Variants in CUX1 observed in about 807,000 individuals in gnomAD.
CUX1 encodes protein CASP.
A neutral mutation model predicts 158.8 loss-of-function variants in CUX1; 31 were observed. The observed-to-expected ratio is 0.20, with a 90% CI of 0.15 to 0.26. The LOEUF (loss-of-function observed/expected upper bound fraction) is 0.26, where lower values mean the gene tolerates loss of function less well. CUX1 is among the 10% of genes least tolerant of loss of function. The pLI is 1.00. For synonymous variants in CUX1, 879 were observed against 862.1 expected, an observed-to-expected ratio of 1.02 and a Z score of -0.34; for missense variants, 1,589 against 2,014.6, an observed-to-expected ratio of 0.79 and a Z score of 4.04.
At chr7:101,937,758 C>T (rs906409591) in intron 2 of CUX1, among the ~76,000 whole-genome samples, 1 of 152,162 alleles carries the variant, frequency 6.6e-6, no homozygotes, top group Non-Finnish European at 1.5e-5. Context: ...AGTGATCCAC[C>T]CGCCTTGGCC....
intron 3 of CUX1, among the ~76,000 whole-genome samples, chr7:102,035,134 C>G (rs1481372240): frequency 6.7e-6 from 1 of 149,736 alleles, no homozygotes. Flanking sequence ...CCTACTATTG[C>G]TACTTTAATT....
rs377089547 is a variant in CUX1 at position 102,177,811 on chromosome 7, A to G, written c.829-658A>G. Among the ~76,000 whole-genome samples the G allele has an allele frequency of 3.9e-5, 6 of 152,260 alleles. No individual in the cohort carries two copies. In the South Asian group the frequency reaches 1.2e-3, roughly 32 times the overall value. On this transcript the variant is annotated intron_variant, in intron 10 of 23. Transcript: ENST00000292535. ...TCACCCCGCACACTTTTCATTACTAATAAGTGTATTTTCTGCATCTCACTC... is the reference window on the plus strand; with the variant it reads ...TCACCCCGCACACTTTTCATTACTAGTAAGTGTATTTTCTGCATCTCACTC...
intron 4 of CUX1, among the ~76,000 whole-genome samples, chr7:102,080,652 C>T (rs1338238789): frequency 6.6e-6 from 1 of 152,162 alleles, no homozygotes; most frequent in African/African-American, 2.4e-5. Context: ...CACCAGCAGT[C>T]TCCTCGCCAC....
At chr7:102,028,262 C>A in intron 3 of CUX1, 117 bp downstream of exon 3, 2 of 1,020,622 alleles carry the variant, frequency 2.0e-6, no homozygotes, top group South Asian at 1.5e-5. Context: ...GCCTTCCCGG[C>A]TGCTCCGACC....
chr7:102,133,940 G>A (rs1194467188), intron 8 of CUX1, among the ~76,000 whole-genome samples: 7 of 152,176 alleles, frequency 4.6e-5, no homozygotes, highest in East Asian at 1.9e-4. Flanking sequence ...GGTCACAAAC[G>A]CTGTTTGGAT....
In CUX1 at chr7:102,253,107, T is replaced by G. The variant is rs980191988; in HGVS notation, c.*4065T>G. On this transcript the variant is annotated 3_prime_UTR_variant, in exon 24 of 24. Transcript: ENST00000292535. ...CTCCAAAGTACAAATACCTCCCTGCTCAGTTTCCTTCCTGTCGCCATCTTT... is the reference window on the plus strand; with the variant it reads ...CTCCAAAGTACAAATACCTCCCTGCGCAGTTTCCTTCCTGTCGCCATCTTT... 2.0e-6 allele frequency: 2 copies of G among 985,388 alleles called. No homozygotes were observed. The highest frequency in any genetic ancestry group is 1.2e-4 in the Admixed American group (2 of 16,276). The allele number at this position is 985,388 out of a possible 1,614,324, so 61.0% of individuals were successfully genotyped here.
At chr7:101,936,460 A>G (rs2129128664) in intron 2 of CUX1, among the ~76,000 whole-genome samples, 1 of 152,240 alleles carries the variant, frequency 6.6e-6, no homozygotes, top group South Asian at 2.1e-4. Flanking sequence ...TGGCGAGCAG[A>G]CAGGAGGGAA....
Position 102,201,802 on chromosome 7 carries a change from C to T in CUX1, c.2505C>T (p.Ala835=), listed in dbSNP as rs782403435. ...CGGTGCAGCCGGAGAGAAGAAATGC[C>T]GCCTCCTCCGAGGAGGCCAAGGCCG... ...WSAVQPERRN[A]ASSEEAKAEE... The change falls in exon 18 of 24, where the codon GCC becomes GCT. Residue 835 remains alanine (A), a synonymous_variant. Coordinates refer to ENST00000292535, the MANE Select transcript of CUX1 (RefSeq NM_181552.4). This position sits in a 1 kb window ranked among gnomAD's most constrained non-coding sequence, Gnocchi z 5.0. The T allele has an allele frequency of 5.0e-6, 8 of 1,612,644 alleles. No individual in the cohort carries two copies. Among genetic ancestry groups the T allele is most frequent in the East Asian group, 4.5e-5 (2 of 44,880 alleles).
At chr7:101,841,604 C>CT (rs1490165933) in intron 1 of CUX1, among the ~76,000 whole-genome samples, 10 of 152,064 alleles carry the variant, frequency 6.6e-5, no homozygotes, top group African/African-American at 2.4e-4. Flanking sequence ...GTCACCCAGG[C>CT]TGGAAGGCAG....
rs1554540975 is a variant in CUX1, at chr7:102,253,709, T to C, written c.*4667T>C. The C allele has an allele frequency of 1.2e-5, 12 of 985,280 alleles. No homozygotes were observed. Among genetic ancestry groups the C allele is most frequent in the Non-Finnish European group, 1.4e-5 (12 of 829,960 alleles). 61.0% of individuals were successfully genotyped at this position (985,280 alleles called of 1,614,324 possible). On this transcript the variant is annotated 3_prime_UTR_variant, in exon 24 of 24. Coordinates refer to ENST00000292535, the MANE Select transcript of CUX1 (RefSeq NM_181552.4). The stretch of plus-strand genomic sequence containing the variant: ...TAAATGCAGTATGACAGGCGCTTCT[T>C]GGCAGACCAGTAAAAACAAAAGCCC...
chr7:102,021,614 CTTTTT>C (rs67147187), intron 2 of CUX1, among the ~76,000 whole-genome samples: 47,338 of 108,572 alleles, frequency 0.44, 9,259 homozygotes, highest in East Asian at 0.93. Context: ...TTTTTTTTCT[CTTTTT>C]TTTTTTTTTT....
intron 2 of CUX1, among the ~76,000 whole-genome samples, chr7:101,999,155 GC>G (rs1816356518): frequency 6.6e-6 from 1 of 150,558 alleles, no homozygotes; most frequent in Non-Finnish European, 1.5e-5. Flanking sequence ...GCTTCTAGAA[GC>G]AGCAGCTGTC....
chr7:101,938,258 GT>G (rs1807185924), intron 2 of CUX1, among the ~76,000 whole-genome samples: 1 of 151,940 alleles, frequency 6.6e-6, no homozygotes, highest in Non-Finnish European at 1.5e-5. Context: ...GACCACAGGC[GT>G]GTGCCACCAC....
chr7:101,835,055 G>A (rs1251292586), intron 1 of CUX1, among the ~76,000 whole-genome samples: 1 of 151,884 alleles, frequency 6.6e-6, no homozygotes, highest in Non-Finnish European at 1.5e-5. Context: ...TAGGTGTTTG[G>A]TATACTCACA....
At chr7:101,977,462 A>G (rs1812858602) in intron 2 of CUX1, among the ~76,000 whole-genome samples, 1 of 152,096 alleles carries the variant, frequency 6.6e-6, no homozygotes, top group Non-Finnish European at 1.5e-5. Context: ...ACAGTGTAGC[A>G]AGACCCCATC....
intron 1 of CUX1, among the ~76,000 whole-genome samples, chr7:101,825,825 G>A (rs1793229456): frequency 6.7e-6 from 1 of 149,662 alleles, no homozygotes; most frequent in African/African-American, 2.5e-5. Flanking sequence ...TTAGTCTTCG[G>A]GGCTGCTTAT....
intron 6 of CUX1, among the ~76,000 whole-genome samples, chr7:102,109,478 ACTAT>A (rs1830677454): frequency 6.6e-6 from 1 of 152,160 alleles, no homozygotes; most frequent in Non-Finnish European, 1.5e-5. Context: ...GAAGTTTTTC[ACTAT>A]CTATCAAAAC....
intron 20 of CUX1, among the ~76,000 whole-genome samples, chr7:102,218,198 G>C (rs1379346148): frequency 6.6e-6 from 1 of 152,178 alleles, no homozygotes; most frequent in Non-Finnish European, 1.5e-5. Context: ...AGTGACTTCG[G>C]CCTCCCGCTT....
chr7:102,253,895 G>A lies in CUX1; in HGVS notation c.*4853G>A. 1.0e-6 allele frequency: 1 copy of A among 985,716 alleles called. No individual in the cohort carries two copies. The highest frequency in any genetic ancestry group is 1.2e-6 in the Non-Finnish European group (1 of 830,194). The allele number at this position is 985,716 out of a possible 1,614,324, so 61.1% of individuals were successfully genotyped here. On this transcript the variant is annotated 3_prime_UTR_variant, in exon 24 of 24. Coordinates refer to ENST00000292535, the MANE Select transcript of CUX1 (RefSeq NM_181552.4). Reference sequence around the variant, plus strand: ...TGGGGGGCCCTGTCCCTCCCCAGATGTCCTCCCTCTTCTTCACACTCCTCA... The same window carrying A: ...TGGGGGGCCCTGTCCCTCCCCAGATATCCTCCCTCTTCTTCACACTCCTCA...
Sources: gnomAD v4.1 joint callset for allele counts (sites outside exome capture counted in the v4.1 genomes callset) on GRCh38, gnomAD v4.1.1 for gene constraint, Gnocchi (gnomAD v3.1) non-coding constraint, MANE v1.5 for transcripts, NCBI Gene and HGNC (gene_info 2026-07-23, HGNC 2026-07-21) for gene names.